The following SLCO3A1 variants were observed in gnomAD, a reference collection of about 807,000 sequenced individuals.
The protein encoded by SLCO3A1 is PGE1 transporter.
A neutral mutation model predicts 63.1 loss-of-function variants in SLCO3A1; 27 were observed. The observed-to-expected ratio is 0.43, with a 90% confidence interval of 0.32 to 0.59. The LOEUF (loss-of-function observed/expected upper bound fraction) is 0.59. Ranked by LOEUF, SLCO3A1 falls within the 20% of genes least tolerant of loss-of-function variation. SLCO3A1 has a pLI of 0.09. For missense variants in SLCO3A1, 773 were observed against 945.8 expected, an observed-to-expected ratio of 0.82 and a Z score of 2.40; for synonymous variants, 473 against 409.9, an observed-to-expected ratio of 1.15 and a Z score of -1.86.
At chr15:91,933,104 A>AT (rs900065301) in intron 2 of SLCO3A1, among the ~76,000 whole-genome samples, 7 of 151,234 alleles carry the variant, frequency 4.6e-5, no homozygotes, top group South Asian at 2.1e-4. Context: ...AAAATTTAAG[A>AT]TTTTTTTTTC....
chr15:92,053,684 G>GTT (rs1567092399), intron 2 of SLCO3A1, among the ~76,000 whole-genome samples: 2 of 14,924 alleles, frequency 1.3e-4, no homozygotes, highest in Non-Finnish European at 2.9e-4. Flanking sequence ...TTGTTTTTTT[G>GTT]TTTGTTTGTT....
chr15:91,907,538 T>C (rs1898349874), intron 1 of SLCO3A1, among the ~76,000 whole-genome samples: 1 of 151,140 alleles, frequency 6.6e-6, no homozygotes, highest in Non-Finnish European at 1.5e-5. Flanking sequence ...CTATTTTTCT[T>C]TTTTGAGACA....
intron 9 of SLCO3A1, among the ~76,000 whole-genome samples, chr15:92,160,084 A>G (rs1396859595): frequency 6.6e-6 from 1 of 152,046 alleles, no homozygotes; most frequent in African/African-American, 2.4e-5. Flanking sequence ...CCCCGTCACC[A>G]GGTGTTGGGT....
intron 2 of SLCO3A1, among the ~76,000 whole-genome samples, chr15:91,937,306 G>T (rs1291434404): frequency 6.6e-6 from 1 of 152,172 alleles, no homozygotes; most frequent in Non-Finnish European, 1.5e-5. Context: ...CACTCTCTAG[G>T]TGCCAGGCCC....
intron 5 of SLCO3A1, among the ~76,000 whole-genome samples, chr15:92,122,037 TG>T (rs991616993): frequency 6.6e-6 from 1 of 152,072 alleles, no homozygotes; most frequent in African/African-American, 2.4e-5. Flanking sequence ...GGACATGGCC[TG>T]TGGCATGTGT....
chr15:92,012,520 G>C (rs538247895), intron 2 of SLCO3A1, among the ~76,000 whole-genome samples: 2 of 152,280 alleles, frequency 1.3e-5, no homozygotes, highest in East Asian at 3.9e-4. Context: ...CTTGTGGAAA[G>C]TGTCCCCTTC....
At chr15:92,120,322 C>G (rs1354382992) in intron 4 of SLCO3A1, 143 bp from the exon 5 acceptor site, 2 of 712,808 alleles carry the variant, frequency 2.8e-6, no homozygotes, top group Non-Finnish European at 4.5e-6. Context: ...TAGATTTTGG[C>G]CTTAGCAACT....
At chr15:91,858,133 A>T (rs1896970117) in intron 1 of SLCO3A1, among the ~76,000 whole-genome samples, 1 of 152,124 alleles carries the variant, frequency 6.6e-6, no homozygotes, top group Non-Finnish European at 1.5e-5. Context: ...TTTCTAAAGA[A>T]ACATCATTTC....
At position 91,968,819 on chromosome 15, in the gene SLCO3A1, G is replaced by A. The variant is rs151325324; in HGVS notation, c.646+52361G>A. Among the ~76,000 whole-genome samples, 3 of 152,292 alleles carry A rather than the reference G, an allele frequency of 2.0e-5. No homozygotes were observed. Among genetic ancestry groups the A allele is most frequent in the East Asian group, 1.9e-4 (1 of 5,172 alleles). Reference sequence around the variant, plus strand: ...TGTCCGTGGTTACCCTTAGGGTGGCGCTGTTTATTGGCGCCTTTTTGCTTG... The same window carrying A: ...TGTCCGTGGTTACCCTTAGGGTGGCACTGTTTATTGGCGCCTTTTTGCTTG... On this transcript the variant is annotated intron_variant, in intron 2 of 9. Coordinates refer to ENST00000318445, the MANE Select transcript of SLCO3A1 (RefSeq NM_013272.4). This position sits in a 1 kb window ranked among gnomAD's most constrained non-coding sequence, Gnocchi z 4.2.
chr15:92,163,087 T>A lies in SLCO3A1; in HGVS notation c.2085T>A (p.Tyr695Ter). The A allele has an allele frequency of 6.5e-7, 1 of 1,545,304 alleles. No homozygotes were observed. The highest frequency in any genetic ancestry group is 8.7e-7 in the Non-Finnish European group (1 of 1,148,086). ...ANQTHRTKFI[Y>*]NLEDHEWCEN... ...AGACACATAGGACAAAGTTTATCTA[T>A]AACCTGGAAGACCATGAGTGGTGTG... Residue 695 changes from tyrosine to a stop codon, truncating the protein, a stop_gained, in exon 10 of 10, where the codon TAT (tyrosine) becomes TAA (stop). Transcript: ENST00000318445. LOFTEE classifies it high-confidence loss of function.
At chr15:92,146,578 T>G (rs931191183) in intron 7 of SLCO3A1, among the ~76,000 whole-genome samples, 3 of 152,246 alleles carry the variant, frequency 2.0e-5, no homozygotes, top group Non-Finnish European at 2.9e-5. Flanking sequence ...TTACTTCTTT[T>G]AATACACTTC....
At chr15:91,871,765 G>GTTTTTTTTTTTT (rs33938693) in intron 1 of SLCO3A1, among the ~76,000 whole-genome samples, 10 of 45,702 alleles carry the variant, frequency 2.2e-4, no homozygotes, top group Non-Finnish European at 3.4e-4. Flanking sequence ...TTTTTTTTTG[G>GTTTTTTTTTTTT]TTTTTTTTTT....
chr15:91,896,005 C>T (rs72750064), intron 1 of SLCO3A1, among the ~76,000 whole-genome samples: 9,830 of 152,280 alleles, frequency 0.065, 453 homozygotes, highest in Non-Finnish European at 0.1. Context: ...AAGCACTCAA[C>T]CTGTTTGTCA....
At chr15:92,162,175 T>G (rs1452346734) in intron 9 of SLCO3A1, 1 of 149,558 alleles carries the variant, frequency 6.7e-6, no homozygotes, top group African/African-American at 2.5e-5. Context: ...GAGTCTTGCT[T>G]TGTTGCCCAG....
intron 7 of SLCO3A1, among the ~76,000 whole-genome samples, chr15:92,135,859 T>A (rs2048050942): frequency 6.6e-6 from 1 of 152,104 alleles, no homozygotes; most frequent in African/African-American, 2.4e-5. Flanking sequence ...GTAAACTCCC[T>A]TTATGAACAT....
chr15:91,961,054 G>C (rs1418053719), intron 2 of SLCO3A1, among the ~76,000 whole-genome samples: 2 of 152,176 alleles, frequency 1.3e-5, no homozygotes, highest in Admixed American at 1.3e-4. Flanking sequence ...TCTCTCCCTT[G>C]AGTGGCCCTT....
At chr15:91,973,343 A>C (rs1900956554) in intron 2 of SLCO3A1, among the ~76,000 whole-genome samples, 1 of 152,236 alleles carries the variant, frequency 6.6e-6, no homozygotes, top group South Asian at 2.1e-4. Context: ...CTGCTGATGA[A>C]GAGCAGGCAC....
chr15:92,164,608 G>C lies in SLCO3A1; in HGVS notation c.*1473G>C, dbSNP rs2048477626. 1 of 985,010 alleles carries C rather than the reference G, an allele frequency of 1.0e-6. No individual in the cohort carries two copies. The highest frequency in any genetic ancestry group is 1.2e-6 in the Non-Finnish European group (1 of 829,868). 61.0% of individuals were successfully genotyped at this position (985,010 alleles called of 1,614,324 possible). A position where few individuals can be genotyped will look rare whatever the true frequency, so the allele number is the denominator to read the frequency against. ...CCTAACACAAGCTGTTAAGAAGTCTGTAGCATCTCTGATAACGAATAGACC... is the reference window on the plus strand; with the variant it reads ...CCTAACACAAGCTGTTAAGAAGTCTCTAGCATCTCTGATAACGAATAGACC... On this transcript the variant is annotated 3_prime_UTR_variant, in exon 10 of 10. Transcript: ENST00000318445.
chr15:92,139,623 G>C (rs1464434722), intron 7 of SLCO3A1, among the ~76,000 whole-genome samples: 1 of 152,074 alleles, frequency 6.6e-6, no homozygotes, highest in East Asian at 1.9e-4. Flanking sequence ...TTTTTGGTTG[G>C]TAAACTACTG....
Sources: gnomAD v4.1 joint callset for allele counts (sites outside exome capture counted in the v4.1 genomes callset) on GRCh38, gnomAD v4.1.1 for gene constraint, Gnocchi (gnomAD v3.1) non-coding constraint, MANE v1.5 for transcripts, NCBI Gene and HGNC (gene_info 2026-07-23, HGNC 2026-07-21) for gene names.